Variants in VPS50 observed in about 807,000 individuals in gnomAD.
The protein encoded by VPS50 is syndetin.
Under a neutral mutation model 139.7 loss-of-function variants are expected in VPS50, and 70 were observed. The ratio of observed to expected loss-of-function variants is 0.50; its 90% CI spans 0.41 to 0.61. The LOEUF (loss-of-function observed/expected upper bound fraction) is 0.61, where lower values mean the gene tolerates loss of function less well. VPS50 is among the 20% of genes least tolerant of loss of function. The probability of loss-of-function intolerance (pLI) is 0.00; values close to 1 mark genes in which losing one functional copy is unlikely to be tolerated. For missense variants in VPS50, 921 were observed against 1,133.7 expected (o/e 0.81, Z 2.69); for synonymous variants, 365 against 376.7 (o/e 0.97, Z 0.36).
chr7:93,352,700 C>T (rs1265111154), intron 25 of VPS50, among the ~76,000 whole-genome samples: 1 of 152,098 alleles, frequency 6.6e-6, no homozygotes, highest in Non-Finnish European at 1.5e-5. Flanking sequence ...AAAAACACAT[C>T]CATTGAAGGC....
chr7:93,247,006 A>G (rs1431236914), intron 2 of VPS50, among the ~76,000 whole-genome samples: 2 of 151,898 alleles, frequency 1.3e-5, no homozygotes, highest in African/African-American at 4.8e-5. Flanking sequence ...AATCTCTAAT[A>G]TGATTGTTTT....
At chr7:93,240,217 G>GCACA (rs371902647) in intron 2 of VPS50, among the ~76,000 whole-genome samples, 5,320 of 142,162 alleles carry the variant, frequency 0.037, 116 homozygotes, top group African/African-American at 0.069. Flanking sequence ...ATATGTGTAT[G>GCACA]CACACACACA....
rs912681866 is a variant in VPS50, at chr7:93,303,463, A to G, written c.1365A>G (p.Thr455=). Residue 455 remains threonine, a synonymous_variant, in exon 17 of 28, where the codon ACA becomes ACG. Coordinates refer to ENST00000305866, the MANE Select transcript of VPS50 (RefSeq NM_017667.4). The part of the protein sequence containing the change: ...SVNYFKNYHR[T]RLDELRMFLE... ...GTGTTCATTTTCTTTTTTTAAGAAC[A>G]CGGCTCGATGAACTGAGAATGTTCT... is the stretch of plus-strand genomic sequence containing the variant. 8 of 1,547,140 alleles carry G rather than the reference A, an allele frequency of 5.2e-6. No homozygotes were observed. The highest frequency in any genetic ancestry group is 6.2e-6 in the Non-Finnish European group (7 of 1,130,660).
chr7:93,263,153 C>T (rs1238332973), intron 9 of VPS50, among the ~76,000 whole-genome samples: 4 of 152,050 alleles, frequency 2.6e-5, no homozygotes, highest in Non-Finnish European at 4.4e-5. Flanking sequence ...AGGATTCATC[C>T]ACACTTTTAA....
At chr7:93,259,970 T>G (rs1795616424) in intron 9 of VPS50, among the ~76,000 whole-genome samples, 1 of 152,220 alleles carries the variant, frequency 6.6e-6, no homozygotes, top group African/African-American at 2.4e-5. Flanking sequence ...TCCTTAACTT[T>G]GCCCAGCTTA....
chr7:93,302,381 G>C (rs946150756), intron 16 of VPS50, among the ~76,000 whole-genome samples: 11 of 149,088 alleles, frequency 7.4e-5, no homozygotes, highest in Admixed American at 7.3e-4. Flanking sequence ...CTTCAGTTTA[G>C]ATATTTTCTA....
chr7:93,259,181 G>A (rs921583565), intron 8 of VPS50, among the ~76,000 whole-genome samples: 2 of 151,464 alleles, frequency 1.3e-5, no homozygotes, highest in Non-Finnish European at 3.0e-5. Context: ...CAAATAGAAT[G>A]CATACTATTT....
intron 1 of VPS50, among the ~76,000 whole-genome samples, chr7:93,233,621 C>T (rs570795595): frequency 2.0e-5 from 3 of 152,260 alleles, no homozygotes; most frequent in Non-Finnish European, 2.9e-5. Flanking sequence ...TCAAAATGTT[C>T]TGTGAATAAT....
intron 12 of VPS50, among the ~76,000 whole-genome samples, chr7:93,279,804 A>T (rs945502723): frequency 2.0e-5 from 3 of 152,210 alleles, no homozygotes; most frequent in African/African-American, 4.8e-5. Flanking sequence ...ATTGAAAATT[A>T]AGATGAATGC....
intron 12 of VPS50, among the ~76,000 whole-genome samples, chr7:93,290,784 T>C (rs1270766380): frequency 6.6e-6 from 1 of 151,978 alleles, no homozygotes; most frequent in Non-Finnish European, 1.5e-5. Flanking sequence ...TGAATGAGTT[T>C]AGAGGGAGAG....
At chr7:93,252,298 G>T (rs1165090220) in intron 2 of VPS50, among the ~76,000 whole-genome samples, 1 of 152,102 alleles carries the variant, frequency 6.6e-6, no homozygotes, top group African/African-American at 2.4e-5. Flanking sequence ...ACAGATTTTA[G>T]AATATTATTA....
rs1262758220 is a variant in VPS50 at position 93,307,885 on chromosome 7, G to A, written c.1630-939G>A. ...CCTTTCATAGTGCTTTTTATTAACA[G>A]ACTCTCAAAAAATAGTTGTTGAATT... On this transcript the variant is annotated intron_variant, in intron 18 of 27. Coordinates refer to ENST00000305866, the MANE Select transcript of VPS50 (RefSeq NM_017667.4). 2.0e-5 allele frequency among the ~76,000 whole-genome samples: 3 copies of A among 151,796 alleles called. No individual in the cohort carries two copies. In the East Asian group the frequency reaches 5.8e-4, roughly 29 times the overall value.
chr7:93,242,539 G>A (rs1795025414), intron 2 of VPS50, among the ~76,000 whole-genome samples: 1 of 151,626 alleles, frequency 6.6e-6, no homozygotes, highest in Non-Finnish European at 1.5e-5. Flanking sequence ...AAAAAGCAAG[G>A]TACCCATTAG....
Position 93,355,938 on chromosome 7 carries a change from A to C in VPS50, c.2633A>C (p.Gln878Pro). Residue 878 changes from glutamine to proline, a missense_variant, in exon 27 of 28, where the codon CAA becomes CCA. By Grantham distance (76) the Gln-to-Pro change is moderately conservative. Around this residue, in one of 3 missense-constraint regions of VPS50, gnomAD observed 158 missense variants for 156.3 expected, o/e 1.01. Transcript: ENST00000305866. ...KCSNEGRALM[Q>P]LDFQQFLMKL... ...AGTAATGAGGGTCGTGCCCTGATGC[A>C]ATTGGATTTTCAACAGTTTTTAATG... 6.2e-7 allele frequency: 1 copy of C among 1,606,364 alleles called. No homozygotes were observed. Among genetic ancestry groups the C allele is most frequent in the Non-Finnish European group, 8.5e-7 (1 of 1,174,282 alleles).
chr7:93,258,147 TC>T lies in VPS50; in HGVS notation c.423-11del. 1 of 1,143,592 alleles carries T rather than the reference TC, an allele frequency of 8.7e-7. No homozygotes were observed. The highest frequency in any genetic ancestry group is 1.3e-6 in the Non-Finnish European group (1 of 764,492). The allele number at this position is 1,143,592 out of a possible 1,614,324, so 70.8% of individuals were successfully genotyped here. A position where few individuals can be genotyped will look rare whatever the true frequency, so the allele number is the denominator to read the frequency against. ...TAAAAAACTTTTAACTATTTATTGT[TC>T]ACTTTTGCAGACACTTGAATATTGC... On this transcript the variant is annotated splice_polypyrimidine_tract_variant and intron_variant, in intron 6 of 27. Transcript: ENST00000305866.
At position 93,261,477 on chromosome 7, in the gene VPS50, A is replaced by G. The variant is rs552169144; in HGVS notation, c.659+1845A>G. Among the ~76,000 whole-genome samples, 33 of 152,198 alleles carry G rather than the reference A, an allele frequency of 2.2e-4. No individual in the cohort carries two copies. In the East Asian group the frequency reaches 6.0e-3, roughly 28 times the overall value. ...CGGATCACGAGGTCAGGAGATCGAGACCATCCTGGCTAACACGGTGAAACC... is the reference window on the plus strand; with the variant it reads ...CGGATCACGAGGTCAGGAGATCGAGGCCATCCTGGCTAACACGGTGAAACC... On this transcript the variant is annotated intron_variant, in intron 9 of 27. Transcript: ENST00000305866.
intron 21 of VPS50, among the ~76,000 whole-genome samples, chr7:93,330,110 T>C (rs550882774): frequency 1.3e-5 from 2 of 152,292 alleles, no homozygotes; most frequent in South Asian, 4.1e-4. Context: ...GTATTACATA[T>C]AAAAACTGCA....
In VPS50 at chr7:93,358,516, C is replaced by A; in HGVS notation, c.*80C>A. ...TGAAAGCCAGTTTTTTTATGCACTT[C>A]TGACAACTATCTGCTAAGAAAACTT... is the stretch of plus-strand genomic sequence containing the variant. On this transcript the variant is annotated 3_prime_UTR_variant, in exon 28 of 28. Coordinates refer to ENST00000305866, the MANE Select transcript of VPS50 (RefSeq NM_017667.4). The A allele has an allele frequency of 8.7e-7, 1 of 1,144,432 alleles. No homozygotes were observed. The highest frequency in any genetic ancestry group is 1.3e-6 in the Non-Finnish European group (1 of 785,938). 70.9% of individuals were successfully genotyped at this position (1,144,432 alleles called of 1,614,324 possible).
chr7:93,234,372 A>G (rs1041928063), intron 1 of VPS50, among the ~76,000 whole-genome samples: 28 of 152,246 alleles, frequency 1.8e-4, no homozygotes, highest in Non-Finnish European at 5.9e-5. Flanking sequence ...GAATTTCAGC[A>G]GGTCAAACCT....
Sources: gnomAD v4.1 joint callset for allele counts (sites outside exome capture counted in the v4.1 genomes callset) on GRCh38, gnomAD v4.1.1 for gene constraint, gnomAD v4.1.1 regional missense constraint, MANE v1.5 for transcripts, NCBI Gene and HGNC (gene_info 2026-07-23, HGNC 2026-07-21) for gene names.